Variants in PALM2AKAP2 observed in about 807,000 individuals in gnomAD.
The protein encoded by PALM2AKAP2 is PALM2 and AKAP2 fusion, also known as PALM2-AKAP2 fusion protein.
In PALM2AKAP2, 37 loss-of-function variants were observed where a neutral mutation model predicts 71.5. The ratio of observed to expected loss-of-function variants is 0.52; its 90% confidence interval spans 0.40 to 0.68. PALM2AKAP2 has a LOEUF of 0.68. PALM2AKAP2 is among the 30% of genes least tolerant of loss of function. The pLI, the probability that PALM2AKAP2 is intolerant of heterozygous loss-of-function variation, is 0.00. For missense variants in PALM2AKAP2, 1,224 were observed against 1,191.8 expected (o/e 1.03, Z -0.40); for synonymous variants, 468 against 478.8 (o/e 0.98, Z 0.29).
chr9:109,789,580 A>C (rs1042930023), intron 1 of PALM2AKAP2, among the ~76,000 whole-genome samples: 1 of 152,062 alleles, frequency 6.6e-6, no homozygotes, highest in Admixed American at 6.6e-5. Context: ...GCCTCACCGG[A>C]TCTCTTGTAT....
At chr9:109,956,010 AT>A (rs879853381) in intron 6 of PALM2AKAP2, among the ~76,000 whole-genome samples, 2,066 of 143,380 alleles carry the variant, frequency 0.014, 35 homozygotes, top group African/African-American at 0.038. Flanking sequence ...GGAAAGACTA[AT>A]TTTTTTTTTT....
intron 6 of PALM2AKAP2, among the ~76,000 whole-genome samples, chr9:109,988,150 G>A (rs1832413874): frequency 6.6e-6 from 1 of 152,186 alleles, no homozygotes; most frequent in South Asian, 2.1e-4. Context: ...TAATAAGTGT[G>A]TTTGTTCCCT....
At chr9:110,145,863 GT>G (rs1836152890) in intron 2 of PALM2AKAP2, among the ~76,000 whole-genome samples, 1 of 140,054 alleles carries the variant, frequency 7.1e-6, no homozygotes, top group Admixed American at 7.0e-5. Context: ...AACTGCCATG[GT>G]TAAACCTGCC....
At chr9:110,049,255 CG>C (rs1464063685) in intron 1 of PALM2AKAP2, among the ~76,000 whole-genome samples, 1 of 152,192 alleles carries the variant, frequency 6.6e-6, no homozygotes, top group Non-Finnish European at 1.5e-5. Flanking sequence ...CCGGGAGCAC[CG>C]GGAGGTGCAG....
chr9:109,804,415 T>A (rs1827519471), intron 1 of PALM2AKAP2, among the ~76,000 whole-genome samples: 1 of 152,256 alleles, frequency 6.6e-6, no homozygotes, highest in Non-Finnish European at 1.5e-5. Flanking sequence ...TTAATAGCTT[T>A]TTCCTCCAAA....
intron 1 of PALM2AKAP2, among the ~76,000 whole-genome samples, chr9:110,083,442 T>C (rs2118717586): frequency 6.6e-6 from 1 of 152,366 alleles, no homozygotes; most frequent in East Asian, 1.9e-4. Flanking sequence ...TAGTCTGTTT[T>C]AATAATGTTG....
chr9:109,850,236 A>G (rs1252053614), intron 1 of PALM2AKAP2, among the ~76,000 whole-genome samples: 1 of 152,210 alleles, frequency 6.6e-6, no homozygotes, highest in African/African-American at 2.4e-5. Context: ...ACCAGGTGTC[A>G]TTCATGGAGG....
Position 109,991,984 on chromosome 9 carries a change from G to A in PALM2AKAP2, c.497-23970G>A, listed in dbSNP as rs1053859234. Among the ~76,000 whole-genome samples the A allele has an allele frequency of 1.3e-5, 2 of 152,322 alleles. 1 individual carries two copies. Among genetic ancestry groups the A allele is most frequent in the Middle Eastern group, 6.8e-3 (2 of 294 alleles). ...CTGAAAGTTGCTAAAAATGGAATGG[G>A]CTGTGTATTGGTTTCCTAGGACTGC... On this transcript the variant is annotated intron_variant, in intron 6 of 9. Transcript: ENST00000302798.
At chr9:109,804,950 G>A (rs1773329982) in intron 1 of PALM2AKAP2, among the ~76,000 whole-genome samples, 2 of 152,162 alleles carry the variant, frequency 1.3e-5, no homozygotes, top group South Asian at 4.1e-4. Flanking sequence ...TTATATATTT[G>A]TAGTTATGCT....
intron 1 of PALM2AKAP2, among the ~76,000 whole-genome samples, chr9:109,764,061 C>G (rs896759019): frequency 1.3e-5 from 2 of 152,142 alleles, no homozygotes; most frequent in East Asian, 3.8e-4. Flanking sequence ...CACCCAGGTA[C>G]AGTCATCATA....
At chr9:109,682,299 T>G (rs143917840) in intron 1 of PALM2AKAP2, among the ~76,000 whole-genome samples, 23 of 152,328 alleles carry the variant, frequency 1.5e-4, no homozygotes, top group African/African-American at 5.1e-4. Flanking sequence ...GAATATATTC[T>G]GTTTTGGTGT....
intron 7 of PALM2AKAP2, among the ~76,000 whole-genome samples, chr9:110,016,874 A>G (rs138606560): frequency 2.0e-5 from 3 of 152,300 alleles, no homozygotes; most frequent in African/African-American, 7.2e-5. Flanking sequence ...ATAGAGCTGT[A>G]ACTGGAGATA....
intron 6 of PALM2AKAP2, among the ~76,000 whole-genome samples, chr9:109,959,278 T>G (rs1831807255): frequency 6.6e-6 from 1 of 152,190 alleles, no homozygotes; most frequent in Non-Finnish European, 1.5e-5. Context: ...GTTCTGCTCT[T>G]TAATAGCTCT....
upstream of PALM2AKAP2, among the ~76,000 whole-genome samples, chr9:109,777,500 T>C (rs1342020681): frequency 6.6e-6 from 1 of 152,222 alleles, no homozygotes; most frequent in African/African-American, 2.4e-5. Flanking sequence ...ACCTTCATCT[T>C]TCACATCTGA....
intron 1 of PALM2AKAP2, among the ~76,000 whole-genome samples, chr9:110,078,536 AAG>A (rs59220050): frequency 0.014 from 2,194 of 152,326 alleles, 44 homozygotes; most frequent in African/African-American, 0.049. Flanking sequence ...AGATCGGGAA[AAG>A]AGCATTTAGC....
At chr9:109,664,713 T>C (rs970296141) in intron 1 of PALM2AKAP2, among the ~76,000 whole-genome samples, 1 of 152,216 alleles carries the variant, frequency 6.6e-6, no homozygotes, top group Non-Finnish European at 1.5e-5. Context: ...TTCTCTGTAT[T>C]TCCTGAATTT....
intron 1 of PALM2AKAP2, among the ~76,000 whole-genome samples, chr9:110,103,648 T>C (rs898811930): frequency 2.0e-5 from 3 of 152,244 alleles, no homozygotes; most frequent in Non-Finnish European, 4.4e-5. Flanking sequence ...CTGCTACAAA[T>C]CTTCTTTGCA....
chr9:110,138,688 A>T lies in PALM2AKAP2; in HGVS notation c.2569+149A>T. ...GGCATGAGAATTCCAGCATACAGGG[A>T]CATGCAACAAAAGTGTCAAGAGTGT... is the stretch of plus-strand genomic sequence containing the variant. On this transcript the variant is annotated intron_variant, in intron 2 of 3. Coordinates refer to ENST00000374525, the Ensembl canonical transcript of PALM2AKAP2. The T allele has an allele frequency of 7.7e-6, 11 of 1,426,084 alleles. No individual in the cohort carries two copies. In the South Asian group the frequency reaches 1.7e-4, roughly 22 times the overall value. 88.3% of individuals were successfully genotyped at this position (1,426,084 alleles called of 1,614,324 possible).
chr9:109,821,650 T>C (rs1311901110), intron 1 of PALM2AKAP2, among the ~76,000 whole-genome samples: 1 of 152,102 alleles, frequency 6.6e-6, no homozygotes, highest in East Asian at 1.9e-4. Flanking sequence ...GGATGGAGGG[T>C]GTTAATAGAA....
Sources: gnomAD v4.1 joint callset for allele counts (sites outside exome capture counted in the v4.1 genomes callset) on GRCh38, gnomAD v4.1.1 for gene constraint, MANE v1.5 for transcripts, NCBI Gene and HGNC (gene_info 2026-07-23, HGNC 2026-07-21) for gene names.